The following BRMS1L variants were observed in gnomAD, a reference collection of about 807,000 sequenced individuals.
The protein encoded by BRMS1L is breast cancer metastasis-suppressor 1-like protein.
BRMS1L carries 23 observed loss-of-function variants against 50.3 expected under a neutral mutation model. The observed-to-expected ratio is 0.46, with a 90% CI of 0.33 to 0.65. BRMS1L has a LOEUF of 0.65. Ranked by LOEUF, BRMS1L falls within the 30% of genes least tolerant of loss-of-function variation. BRMS1L has a pLI of 0.02. For missense variants in BRMS1L, 286 were observed against 386.1 expected, an observed-to-expected ratio of 0.74 and a Z score of 2.17; for synonymous variants, 114 against 126.9, an observed-to-expected ratio of 0.90 and a Z score of 0.69.
chr14:35,855,619 A>T (rs992885751), intron 4 of BRMS1L, among the ~76,000 whole-genome samples: 3 of 152,172 alleles, frequency 2.0e-5, no homozygotes, highest in Non-Finnish European at 2.9e-5. Flanking sequence ...TTCTATTAAT[A>T]GTTTAGTTGT....
chr14:35,833,558 G>A (rs1448773943), intron 3 of BRMS1L, among the ~76,000 whole-genome samples: 1 of 152,050 alleles, frequency 6.6e-6, no homozygotes, highest in Admixed American at 6.6e-5. Context: ...CCTTGAACTA[G>A]ATGATTTAAT....
At chr14:35,863,801 A>C in intron 5 of BRMS1L, 69 bp from the exon 6 acceptor site, 1 of 1,410,080 alleles carries the variant, frequency 7.1e-7, no homozygotes, top group South Asian at 1.2e-5. Context: ...GCCACCATAA[A>C]ATTAGAGTCT....
chr14:35,863,158 T>G (rs1295746448), intron 5 of BRMS1L, among the ~76,000 whole-genome samples: 2 of 152,084 alleles, frequency 1.3e-5, no homozygotes, highest in African/African-American at 4.8e-5. Flanking sequence ...TCCTTGTAAG[T>G]CTTGAAAGAC....
intron 1 of BRMS1L, among the ~76,000 whole-genome samples, chr14:35,830,675 T>C (rs1280630364): frequency 2.0e-5 from 3 of 152,138 alleles, no homozygotes; most frequent in Admixed American, 2.0e-4. Flanking sequence ...TTTTTTTATG[T>C]GACAGGCAAA....
In BRMS1L at chr14:35,865,837, A is replaced by G. The variant is rs1445523696; in HGVS notation, c.727+76A>G. On this transcript the variant is annotated intron_variant, in intron 8 of 9. Coordinates refer to ENST00000216807, the MANE Select transcript of BRMS1L (RefSeq NM_032352.4). ...ATCAGGGTTGTTATCTACGTACTAA[A>G]GAACTCTTGAATCAGTGGTTTTATT... 4 of 1,269,512 alleles carry G rather than the reference A, an allele frequency of 3.2e-6. No homozygotes were observed. The South Asian group carries it at 3.9e-5, about 12-fold the overall frequency. The allele number at this position is 1,269,512 out of a possible 1,614,324, so 78.6% of individuals were successfully genotyped here. A position where few individuals can be genotyped will look rare whatever the true frequency, so the allele number is the denominator to read the frequency against.
chr14:35,846,896 C>G (rs1845215781), intron 4 of BRMS1L, among the ~76,000 whole-genome samples: 1 of 151,936 alleles, frequency 6.6e-6, no homozygotes, highest in South Asian at 2.1e-4. Context: ...TTTTGGTCTA[C>G]TTTATCTTTC....
intron 4 of BRMS1L, 25 bp from the exon 5 acceptor site, chr14:35,862,564 TA>T: frequency 6.6e-7 from 1 of 1,510,880 alleles, no homozygotes; most frequent in African/African-American, 1.4e-5. Flanking sequence ...TCTTTCTACT[TA>T]AGTATAATCT....
At chr14:35,831,580 C>A in intron 2 of BRMS1L, 80 bp downstream of exon 2, 1 of 1,020,392 alleles carries the variant, frequency 9.8e-7, no homozygotes, top group South Asian at 1.4e-5. Context: ...CAACTAGATT[C>A]AGTCTCAGCT....
intron 4 of BRMS1L, 128 bp downstream of exon 4, chr14:35,835,051 TTA>T: frequency 2.1e-6 from 1 of 485,736 alleles, no homozygotes. Context: ...TTGTGTGTGA[TTA>T]AAAAAAAAAA....
At chr14:35,859,066 C>T (rs946397335) in intron 4 of BRMS1L, among the ~76,000 whole-genome samples, 2 of 151,644 alleles carry the variant, frequency 1.3e-5, no homozygotes, top group African/African-American at 2.4e-5. Context: ...CTCAGCCTGC[C>T]GAGTAGCTGG....
Position 35,865,773 on chromosome 14 carries a change from A to G in BRMS1L, c.727+12A>G. 1 of 1,602,096 alleles carries G rather than the reference A, an allele frequency of 6.2e-7. No individual in the cohort carries two copies. The highest frequency in any genetic ancestry group is 8.5e-7 in the Non-Finnish European group (1 of 1,176,286). On this transcript the variant is annotated intron_variant, in intron 8 of 9. Coordinates refer to ENST00000216807, the MANE Select transcript of BRMS1L (RefSeq NM_032352.4). ...AGTGAAAACGGAACGTAAGTCATTT[A>G]GTCTGAGTTGGGAAATATTCTCTTT...
At chr14:35,856,611 T>TGCGG (rs1555315092) in intron 4 of BRMS1L, among the ~76,000 whole-genome samples, 1 of 149,414 alleles carries the variant, frequency 6.7e-6, no homozygotes, top group African/African-American at 2.5e-5. Context: ...TACATTTTTT[T>TGCGG]GGGGGGGGGT....
At chr14:35,828,471 C>CTTTTTT (rs780984053) in intron 1 of BRMS1L, among the ~76,000 whole-genome samples, 3 of 99,278 alleles carry the variant, frequency 3.0e-5, no homozygotes, top group Non-Finnish European at 5.9e-5. Flanking sequence ...CATTCCCAGC[C>CTTTTTT]TTTTTTTTTT....
intron 4 of BRMS1L, among the ~76,000 whole-genome samples, chr14:35,852,438 G>A (rs2078223532): frequency 6.6e-6 from 1 of 152,186 alleles, no homozygotes; most frequent in South Asian, 2.1e-4. Context: ...TATTGATATT[G>A]TAACAATATA....
At chr14:35,857,907 GT>G (rs1238873941) in intron 4 of BRMS1L, among the ~76,000 whole-genome samples, 34 of 120,440 alleles carry the variant, frequency 2.8e-4, no homozygotes, top group African/African-American at 2.7e-4. Flanking sequence ...TCCTAATGCT[GT>G]TTTTTTTTTT....
intron 1 of BRMS1L, among the ~76,000 whole-genome samples, chr14:35,828,970 C>T (rs143152237): frequency 1.8e-4 from 27 of 149,080 alleles, no homozygotes; most frequent in African/African-American, 6.4e-4. Context: ...TTTTTTGAGA[C>T]AGTCTTGCTC....
intron 4 of BRMS1L, among the ~76,000 whole-genome samples, chr14:35,839,301 G>A (rs2078032249): frequency 1.3e-5 from 2 of 152,166 alleles, no homozygotes; most frequent in Admixed American, 1.3e-4. Flanking sequence ...AAGTCAGGTA[G>A]GATGATGCTT....
intron 6 of BRMS1L, 85 bp from the exon 7 acceptor site, chr14:35,864,850 C>T (rs904779338): frequency 1.4e-5 from 13 of 953,460 alleles, no homozygotes; most frequent in Middle Eastern, 2.5e-4. Flanking sequence ...CATAAATCAT[C>T]GTTCCATTTT....
Position 35,867,958 on chromosome 14 carries a change from AC to A in BRMS1L, c.781del (p.Leu261TyrfsTer27). 6.2e-7 allele frequency: 1 copy of A among 1,612,658 alleles called. No individual in the cohort carries two copies. Among genetic ancestry groups the A allele is most frequent in the Non-Finnish European group, 8.5e-7 (1 of 1,179,462 alleles). ...LHSARSEEGRLYYDGEWYIRG... is the reference protein window; with the variant it reads ...LHSARSEEGRXYYDGEWYIRG... ...ACAGTGCTAGATCTGAAGAGGGAAG[AC>A]TATATTATGATGGTGAATGGTATAT... On this transcript the variant is annotated frameshift_variant, in exon 9 of 10. Transcript: ENST00000216807. LOFTEE classifies it high-confidence loss of function.
Sources: allele counts gnomAD v4.1 joint callset (sites outside exome capture counted in the v4.1 genomes callset), GRCh38; gene constraint gnomAD v4.1.1; transcripts MANE v1.5; gene names NCBI Gene and HGNC (gene_info 2026-07-23, HGNC 2026-07-21).